Variants in ST8SIA2 observed in about 807,000 individuals in gnomAD.
ST8SIA2 encodes the protein ST8 alpha-N-acetyl-neuraminide alpha-2,8-sialyltransferase 2, also known as alpha-2,8-sialyltransferase 8B.
A neutral mutation model predicts 37.6 loss-of-function variants in ST8SIA2; 22 were observed. The observed-to-expected ratio is 0.58, with a 90% CI of 0.42 to 0.83. The LOEUF (loss-of-function observed/expected upper bound fraction) is 0.83. Ranked by LOEUF, ST8SIA2 falls within the 40% of genes least tolerant of loss-of-function variation. The pLI is 0.00. For synonymous variants in ST8SIA2, 205 were observed against 201.2 expected, an observed-to-expected ratio of 1.02 and a Z score of -0.16; for missense variants, 382 against 484.7, an observed-to-expected ratio of 0.79 and a Z score of 1.99.
intron 1 of ST8SIA2, among the ~76,000 whole-genome samples, chr15:92,428,501 G>A (rs912542421): frequency 6.6e-6 from 1 of 152,142 alleles, no homozygotes; most frequent in Admixed American, 6.5e-5. Context: ...TGAGGGTTAG[G>A]GTCCAGCTGG....
chr15:92,426,490 T>G (rs1227476271), intron 1 of ST8SIA2, among the ~76,000 whole-genome samples: 2 of 152,094 alleles, frequency 1.3e-5, no homozygotes. Flanking sequence ...AGAACTGGCA[T>G]GGAAAAGTGC....
chr15:92,394,972 G>A (rs2049419609), intron 1 of ST8SIA2, among the ~76,000 whole-genome samples: 1 of 152,292 alleles, frequency 6.6e-6, no homozygotes, highest in East Asian at 1.9e-4. Flanking sequence ...GGTAGGGTGG[G>A]ACCGCGAGCC....
At chr15:92,423,017 C>T (rs1596236807) in intron 1 of ST8SIA2, among the ~76,000 whole-genome samples, 1 of 152,196 alleles carries the variant, frequency 6.6e-6, no homozygotes, top group Admixed American at 6.5e-5. Context: ...ACCTTGAAAA[C>T]ATATGCTAAG....
intron 5 of ST8SIA2, among the ~76,000 whole-genome samples, chr15:92,461,325 C>T (rs1425624441): frequency 1.3e-5 from 2 of 151,808 alleles, no homozygotes; most frequent in African/African-American, 2.4e-5. Context: ...CCCCTGGAAT[C>T]ACAAATATAA....
intron 3 of ST8SIA2, 108 bp downstream of exon 3, chr15:92,434,483 A>G: frequency 6.6e-7 from 1 of 1,507,748 alleles, no homozygotes; most frequent in Non-Finnish European, 9.1e-7. Flanking sequence ...TAAAATGTTT[A>G]CCTCCCACTG....
chr15:92,430,172 C>T (rs2049705161), intron 2 of ST8SIA2, 61 bp downstream of exon 2: 5 of 1,502,154 alleles, frequency 3.3e-6, no homozygotes, highest in Non-Finnish European at 4.6e-6. Flanking sequence ...TAATCTGCTT[C>T]TCTTCTTTGC....
At chr15:92,417,509 G>A (rs548802659) in intron 1 of ST8SIA2, 2 of 152,396 alleles carry the variant, frequency 1.3e-5, no homozygotes, top group African/African-American at 4.8e-5. Context: ...GTTGAAGGCA[G>A]GGGTCTTTCA....
intron 1 of ST8SIA2, among the ~76,000 whole-genome samples, chr15:92,409,890 G>T (rs370942681): frequency 6.6e-6 from 1 of 152,244 alleles, no homozygotes; most frequent in Non-Finnish European, 1.5e-5. Context: ...TACAAGCCCT[G>T]TGCTGAGTGC....
rs2050001729 is a variant in ST8SIA2 at position 92,467,590 on chromosome 15, C to T, written c.*3205C>T. On this transcript the variant is annotated 3_prime_UTR_variant, in exon 6 of 6. Coordinates refer to ENST00000268164, the MANE Select transcript of ST8SIA2 (RefSeq NM_006011.4). The stretch of plus-strand genomic sequence containing the variant: ...TTCCTCCTTCTTTCCCAATCCCTCT[C>T]AACCATGTATTTATTTATATATGTA... 6.6e-6 allele frequency: 1 copy of T among 152,342 alleles called. No homozygotes were observed. The highest frequency in any genetic ancestry group is 1.5e-5 in the Non-Finnish European group (1 of 68,090). The allele number at this position is 152,342 out of a possible 1,614,324, so 9.4% of individuals were successfully genotyped here. A position where few individuals can be genotyped will look rare whatever the true frequency, so the allele number is the denominator to read the frequency against.
intron 5 of ST8SIA2, among the ~76,000 whole-genome samples, chr15:92,461,565 G>A (rs1346196851): frequency 1.3e-5 from 2 of 152,206 alleles, no homozygotes; most frequent in Admixed American, 6.5e-5. Context: ...TCAGAGATGG[G>A]CAAAAGCTCA....
chr15:92,396,216 G>A (rs542309102), intron 1 of ST8SIA2, among the ~76,000 whole-genome samples: 3 of 152,280 alleles, frequency 2.0e-5, no homozygotes, highest in Non-Finnish European at 4.4e-5. Context: ...GACCAGTCCT[G>A]ACCAGGCCTA....
At chr15:92,408,808 C>T (rs1398735201) in intron 1 of ST8SIA2, among the ~76,000 whole-genome samples, 3 of 151,890 alleles carry the variant, frequency 2.0e-5, no homozygotes, top group Non-Finnish European at 4.4e-5. Flanking sequence ...TGGGTTCAAG[C>T]AATTCTCCTG....
rs950529374 is a variant in ST8SIA2, at chr15:92,466,099, T to A, written c.*1714T>A. The A allele has an allele frequency of 6.6e-6, 1 of 152,106 alleles. No individual in the cohort carries two copies. Among genetic ancestry groups the A allele is most frequent in the Non-Finnish European group, 1.5e-5 (1 of 68,022 alleles). 9.4% of individuals were successfully genotyped at this position (152,106 alleles called of 1,614,324 possible). ...TAAATTAATGGTTGACCGGAAGGGA[T>A]TGGAGGCGGCAGAACCATTAACCCT... On this transcript the variant is annotated 3_prime_UTR_variant, in exon 6 of 6. Coordinates refer to ENST00000268164, the MANE Select transcript of ST8SIA2 (RefSeq NM_006011.4).
intron 1 of ST8SIA2, among the ~76,000 whole-genome samples, chr15:92,422,011 A>G (rs950417133): frequency 6.6e-6 from 1 of 152,212 alleles, no homozygotes; most frequent in Non-Finnish European, 1.5e-5. Context: ...TCAATAAATT[A>G]TTGGTAGAAA....
rs76363537 is a variant in ST8SIA2, at chr15:92,403,517, G to T, written c.98+9355G>T. 3.4e-3 allele frequency among the ~76,000 whole-genome samples: 522 copies of T among 152,300 alleles called. 4 individuals are homozygous for T. The highest frequency in any genetic ancestry group is 0.012 in the African/African-American group (498 of 41,554). On this transcript the variant is annotated intron_variant, in intron 1 of 5. Transcript: ENST00000268164. ...TTCAGCGGAGGCTCTGGAAGAGGCA[G>T]ACATACCTGGACTCTACCTGGGGAG...
At chr15:92,458,284 GGAA>G (rs2049933402) in intron 5 of ST8SIA2, among the ~76,000 whole-genome samples, 1 of 152,140 alleles carries the variant, frequency 6.6e-6, no homozygotes, top group Non-Finnish European at 1.5e-5. Flanking sequence ...CCAAGGCAGG[GGAA>G]GAAGAAGTGG....
chr15:92,397,803 A>G (rs560208722), intron 1 of ST8SIA2, among the ~76,000 whole-genome samples: 1 of 152,350 alleles, frequency 6.6e-6, no homozygotes, highest in East Asian at 1.9e-4. Context: ...AGTCTGGCAC[A>G]GTGATGGGCA....
chr15:92,409,505 G>C (rs562020830), intron 1 of ST8SIA2, among the ~76,000 whole-genome samples: 1 of 138,788 alleles, frequency 7.2e-6, no homozygotes, highest in African/African-American at 2.9e-5. Flanking sequence ...GGACTAGGTG[G>C]TCTATTTACT....
chr15:92,441,866 G>A (rs1381278611), intron 4 of ST8SIA2, among the ~76,000 whole-genome samples: 1 of 152,216 alleles, frequency 6.6e-6, no homozygotes, highest in African/African-American at 2.4e-5. Context: ...GCTAGTGAGG[G>A]CTGGAGCCAG....
Sources: gnomAD v4.1 joint callset for allele counts (sites outside exome capture counted in the v4.1 genomes callset) on GRCh38, gnomAD v4.1.1 for gene constraint, MANE v1.5 for transcripts, NCBI Gene and HGNC (gene_info 2026-07-23, HGNC 2026-07-21) for gene names.